The following ATP6V0A1 variants were observed in gnomAD, a reference collection of about 807,000 sequenced individuals.
The protein encoded by ATP6V0A1 is V-type proton ATPase 116 kDa subunit a 1.
Under a neutral mutation model 105.4 loss-of-function variants are expected in ATP6V0A1, and 43 were observed. The ratio of observed to expected loss-of-function variants is 0.41; its 90% CI spans 0.32 to 0.53. The LOEUF (loss-of-function observed/expected upper bound fraction) is 0.53. Among genes scored for constraint, ATP6V0A1 ranks in the 20% least tolerant of loss-of-function variants. ATP6V0A1 has a pLI of 0.30. For synonymous variants in ATP6V0A1, 362 were observed against 372.8 expected (o/e 0.97, Z 0.33); for missense variants, 676 against 1,051.1 (o/e 0.64, Z 4.93).
At chr17:42,467,146 CA>C (rs11320569) in intron 3 of ATP6V0A1, among the ~76,000 whole-genome samples, 136,695 of 144,882 alleles carry the variant, frequency 0.94, 64,791 homozygotes, top group South Asian at 1. Context: ...GACTCCGTCT[CA>C]AAAAAAAAAA....
Position 42,500,793 on chromosome 17 carries a change from T to A in ATP6V0A1, c.1766T>A (p.Leu589His), listed in dbSNP as rs2146129399. ...TCTTTGTTTGGCTATTTGGTTATCC[T>A]TATTTTTTACAAGTGGACGGCCTAT... ...MTSLFGYLVI[L>H]IFYKWTAYDA... Residue 589 changes from leucine to histidine, a missense_variant, in exon 16 of 22, where the codon CTT (leucine) becomes CAT (histidine). By Grantham distance (99) the Leu-to-His change is moderately conservative. Transcript: ENST00000343619. 1 of 1,613,998 alleles carries A rather than the reference T, an allele frequency of 6.2e-7. No homozygotes were observed. Among genetic ancestry groups the A allele is most frequent in the South Asian group, 1.1e-5 (1 of 91,074 alleles).
Position 42,462,147 on chromosome 17 carries a change from C to T in ATP6V0A1, c.117+1136C>T, listed in dbSNP as rs183937040. Among the ~76,000 whole-genome samples the T allele has an allele frequency of 5.2e-3, 783 of 149,292 alleles. 6 individuals carry two copies. The highest frequency in any genetic ancestry group is 0.015 in the South Asian group (69 of 4,714). ...GGAGGATCGCTGAAGCCCAGGAGGTCGAGGCTGTAGTGAGCTGTGATTATG... is the reference window on the plus strand; with the variant it reads ...GGAGGATCGCTGAAGCCCAGGAGGTTGAGGCTGTAGTGAGCTGTGATTATG... On this transcript the variant is annotated intron_variant, in intron 2 of 21. Coordinates refer to ENST00000343619, the MANE Select transcript of ATP6V0A1 (RefSeq NM_001130021.3).
intron 14 of ATP6V0A1, chr17:42,496,549 A>G (rs984636168): frequency 6.6e-6 from 1 of 152,108 alleles, no homozygotes; most frequent in Non-Finnish European, 1.5e-5. Context: ...GGAAAAAAAA[A>G]AATAATACAG....
intron 19 of ATP6V0A1, among the ~76,000 whole-genome samples, chr17:42,508,838 G>A (rs2092185756): frequency 6.6e-6 from 1 of 152,168 alleles, no homozygotes; most frequent in Non-Finnish European, 1.5e-5. Flanking sequence ...CTCTGAGAAT[G>A]GCTTTGAAAG....
At chr17:42,459,184 G>A (rs1384879516) in intron 1 of ATP6V0A1, 1 of 152,262 alleles carries the variant, frequency 6.6e-6, no homozygotes, top group Non-Finnish European at 1.5e-5. Context: ...GCTTTAAGGG[G>A]TAGGCGGAGG....
chr17:42,458,884 A>T lies in ATP6V0A1; in HGVS notation c.-127A>T. 1 of 153,468 alleles carries T rather than the reference A, an allele frequency of 6.5e-6. No homozygotes were observed. 9.5% of individuals were successfully genotyped at this position (153,468 alleles called of 1,614,324 possible). ...GGGCTTTACGGACGCAAGCACGTCG[A>T]AGCGCTGCTCCTGGAGCCGCGGAGG... On this transcript the variant is annotated 5_prime_UTR_variant, in exon 1 of 22. Coordinates refer to ENST00000343619, the MANE Select transcript of ATP6V0A1 (RefSeq NM_001130021.3).
chr17:42,461,635 G>T (rs1295849582), intron 2 of ATP6V0A1, among the ~76,000 whole-genome samples: 1 of 152,120 alleles, frequency 6.6e-6, no homozygotes, highest in Admixed American at 6.6e-5. Flanking sequence ...AATTAGCATG[G>T]TGGCGCAGGC....
chr17:42,461,748 C>T (rs2086430719), intron 2 of ATP6V0A1, among the ~76,000 whole-genome samples: 1 of 151,950 alleles, frequency 6.6e-6, no homozygotes, highest in Admixed American at 6.6e-5. Flanking sequence ...GCAGCCTGGG[C>T]GACAGAGCAA....
chr17:42,516,917 T>A (rs1276537976), intron 21 of ATP6V0A1, among the ~76,000 whole-genome samples: 2 of 152,214 alleles, frequency 1.3e-5, no homozygotes, highest in African/African-American at 4.8e-5. Context: ...TAGGAAGTAA[T>A]GCACACACCA....
chr17:42,472,135 C>T (rs1030651848), intron 5 of ATP6V0A1, among the ~76,000 whole-genome samples: 6 of 144,710 alleles, frequency 4.1e-5, no homozygotes, highest in African/African-American at 1.5e-4. Flanking sequence ...CTCACTGCAA[C>T]CTCCACCTCC....
intron 19 of ATP6V0A1, among the ~76,000 whole-genome samples, chr17:42,508,819 A>G (rs923011952): frequency 2.0e-4 from 30 of 152,222 alleles, no homozygotes; most frequent in African/African-American, 7.0e-4. Context: ...GACTTTGCTG[A>G]TTTAACACCT....
intron 5 of ATP6V0A1, among the ~76,000 whole-genome samples, chr17:42,476,668 T>C (rs1598781970): frequency 1.3e-5 from 2 of 152,088 alleles, no homozygotes; most frequent in Non-Finnish European, 1.5e-5. Flanking sequence ...ATGAGTTCGG[T>C]AGAGAGAGGC....
At chr17:42,489,655 G>A (rs1448564403) in intron 10 of ATP6V0A1, among the ~76,000 whole-genome samples, 3 of 152,150 alleles carry the variant, frequency 2.0e-5, no homozygotes, top group Admixed American at 6.5e-5. Flanking sequence ...AAAGCTGACT[G>A]GCCAGGAGAA....
intron 2 of ATP6V0A1, among the ~76,000 whole-genome samples, chr17:42,461,503 A>G (rs1371037336): frequency 1.3e-5 from 2 of 152,198 alleles, no homozygotes; most frequent in African/African-American, 4.8e-5. Flanking sequence ...GCCTGGGTAC[A>G]GTGGCTCACG....
intron 4 of ATP6V0A1, among the ~76,000 whole-genome samples, chr17:42,469,591 C>T (rs888143926): frequency 7.9e-5 from 12 of 152,116 alleles, no homozygotes; most frequent in African/African-American, 2.7e-4. Flanking sequence ...CCACCTCAGA[C>T]TCCCTAAGTG....
intron 11 of ATP6V0A1, among the ~76,000 whole-genome samples, chr17:42,493,017 C>CA (rs766936559): frequency 3.3e-5 from 5 of 151,078 alleles, no homozygotes; most frequent in Non-Finnish European, 7.4e-5. Flanking sequence ...GACTCTGTCT[C>CA]AAAAAAAAAG....
intron 10 of ATP6V0A1, among the ~76,000 whole-genome samples, chr17:42,487,719 C>G (rs2090241511): frequency 6.6e-6 from 1 of 151,416 alleles, no homozygotes; most frequent in African/African-American, 2.4e-5. Flanking sequence ...CAGAGCGAGA[C>G]TCTGTCTCAA....
chr17:42,483,007 G>T, intron 8 of ATP6V0A1, 31 bp from the exon 9 acceptor site: 1 of 1,376,794 alleles, frequency 7.3e-7, no homozygotes, highest in Non-Finnish European at 9.6e-7. Flanking sequence ...AATTAGATAA[G>T]TTAAGAAACT....
In ATP6V0A1 at chr17:42,501,267, T is replaced by G. The variant is rs1389658963; in HGVS notation, c.1967T>G (p.Leu656Trp). 1.2e-6 allele frequency: 2 copies of G among 1,614,112 alleles called. No individual in the cohort carries two copies. The highest frequency in any genetic ancestry group is 2.2e-5 in the South Asian group (2 of 91,082). The change falls in exon 17 of 22, where the codon TTG becomes TGG. Residue 656 changes from leucine (L) to tryptophan (W), a missense_variant. This residue lies in a region of ATP6V0A1 where 435 missense variants were observed against 642.2 expected (regional missense o/e 0.68). Coordinates refer to ENST00000343619, the MANE Select transcript of ATP6V0A1 (RefSeq NM_001130021.3). ...CVPWMLLFKP[L>W]VLRRQYLRRK... is the part of the protein sequence containing the mutation. ...CCTTGGATGCTGCTGTTTAAACCAT[T>G]GGTCCTTCGCCGTCAGTATTTGAGG...
Sources: allele counts gnomAD v4.1 joint callset (sites outside exome capture counted in the v4.1 genomes callset), GRCh38; gene constraint gnomAD v4.1.1; regional missense constraint gnomAD v4.1.1; transcripts MANE v1.5; gene names NCBI Gene and HGNC (gene_info 2026-07-23, HGNC 2026-07-21).